AFF3: variants seen among roughly 807,000 people sequenced by gnomAD.
AFF3 encodes the protein ALF transcription elongation factor 3.
AFF3 carries 32 observed loss-of-function variants against 129.7 expected under a neutral mutation model. The ratio of observed to expected loss-of-function variants is 0.25; its 90% confidence interval spans 0.19 to 0.33. AFF3 has a LOEUF of 0.33. Among genes scored for constraint, AFF3 ranks in the 10% least tolerant of loss-of-function variants. The pLI is 1.00. For missense variants in AFF3, 1,373 were observed against 1,592.0 expected, an observed-to-expected ratio of 0.86 and a Z score of 2.34; for synonymous variants, 644 against 635.4, an observed-to-expected ratio of 1.01 and a Z score of -0.20.
intron 8 of AFF3, among the ~76,000 whole-genome samples, chr2:99,770,743 T>TCC (rs1683408455): frequency 6.6e-6 from 1 of 151,788 alleles, no homozygotes; most frequent in African/African-American, 2.4e-5. Flanking sequence ...AGGCAGTGTC[T>TCC]CCTTCTGGCC....
intron 7 of AFF3, among the ~76,000 whole-genome samples, chr2:99,854,809 C>T (rs949076862): frequency 1.1e-4 from 17 of 152,270 alleles, no homozygotes; most frequent in Admixed American, 3.3e-4. Flanking sequence ...TTACCAAAAA[C>T]TTGAAATGAA....
At chr2:99,851,029 A>G (rs1380050949) in intron 7 of AFF3, among the ~76,000 whole-genome samples, 2 of 152,170 alleles carry the variant, frequency 1.3e-5, no homozygotes, top group Non-Finnish European at 2.9e-5. Flanking sequence ...CCATAAAAAC[A>G]TAATGAGAAG....
At chr2:99,613,997 A>G (rs1681181285) in intron 13 of AFF3, among the ~76,000 whole-genome samples, 1 of 152,336 alleles carries the variant, frequency 6.6e-6, no homozygotes, top group Non-Finnish European at 1.5e-5. Context: ...ATAATAGCTT[A>G]GCACATGTGG....
In AFF3 at chr2:99,944,050, C is replaced by T. The variant is rs571565368; in HGVS notation, c.873+62582G>A. On this transcript the variant is annotated intron_variant, in intron 7 of 24. Transcript: ENST00000672756. Reference sequence around the variant, plus strand: ...AAGTAGCTGGGACTATAGGCATGCACCACCATGCCTAGGTAGTGATTTCAT... The same window carrying T: ...AAGTAGCTGGGACTATAGGCATGCATCACCATGCCTAGGTAGTGATTTCAT... Among the ~76,000 whole-genome samples the T allele has an allele frequency of 2.0e-5, 3 of 152,130 alleles. No individual in the cohort carries two copies. The East Asian group carries it at 5.8e-4, about 29-fold the overall frequency.
intron 8 of AFF3, among the ~76,000 whole-genome samples, chr2:99,785,846 C>A (rs1270411286): frequency 6.6e-6 from 1 of 152,168 alleles, no homozygotes; most frequent in African/African-American, 2.4e-5. Flanking sequence ...CTCCCGGGTT[C>A]AAGCGATTCT....
At chr2:99,670,793 T>C (rs1687083471) in intron 12 of AFF3, among the ~76,000 whole-genome samples, 1 of 152,132 alleles carries the variant, frequency 6.6e-6, no homozygotes, top group South Asian at 2.1e-4. Context: ...GATTAATGTA[T>C]AAAAATTATT....
In AFF3 at chr2:100,087,733, C is replaced by T. The variant is rs545368928; in HGVS notation, c.53+16669G>A. 2.4e-3 allele frequency among the ~76,000 whole-genome samples: 359 copies of T among 151,760 alleles called. 1 individual carries two copies. Among genetic ancestry groups the T allele is most frequent in the Non-Finnish European group, 4.4e-3 (302 of 67,930 alleles). On this transcript the variant is annotated intron_variant, in intron 4 of 24. Coordinates refer to ENST00000672756, the MANE Select transcript of AFF3 (RefSeq NM_001386135.1). ...ACTGTTTCTGAAAAAGGAAGTCATTCAACAAAATACTAGCAAAACAAATCC... is the reference window on the plus strand; with the variant it reads ...ACTGTTTCTGAAAAAGGAAGTCATTTAACAAAATACTAGCAAAACAAATCC...
intron 4 of AFF3, among the ~76,000 whole-genome samples, chr2:100,087,430 A>C (rs1240079157): frequency 6.6e-6 from 1 of 152,140 alleles, no homozygotes; most frequent in Non-Finnish European, 1.5e-5. Flanking sequence ...CTAAAATCTA[A>C]ATGTGTCATA....
chr2:99,859,937 A>T (rs1488366178), intron 7 of AFF3, among the ~76,000 whole-genome samples: 1 of 152,112 alleles, frequency 6.6e-6, no homozygotes, highest in East Asian at 1.9e-4. Context: ...GCCCCCCGCA[A>T]AAAAGGATAA....
chr2:99,710,410 C>T (rs1677788086), intron 11 of AFF3, among the ~76,000 whole-genome samples: 1 of 152,152 alleles, frequency 6.6e-6, no homozygotes, highest in South Asian at 2.1e-4. Context: ...GCGTGCGCTA[C>T]CATGCCCGAC....
intron 4 of AFF3, among the ~76,000 whole-genome samples, chr2:100,024,351 G>T (rs1683861779): frequency 6.6e-6 from 1 of 151,804 alleles, no homozygotes; most frequent in South Asian, 2.1e-4. Context: ...AAGGCGGGTG[G>T]ATCACCTGAG....
chr2:99,931,764 C>T (rs777290611), intron 7 of AFF3, among the ~76,000 whole-genome samples: 1 of 152,124 alleles, frequency 6.6e-6, no homozygotes, highest in Non-Finnish European at 1.5e-5. Context: ...CAAAAATTAG[C>T]CAGGCATGGT....
intron 7 of AFF3, among the ~76,000 whole-genome samples, chr2:99,895,142 A>G (rs148416952): frequency 1.6e-3 from 243 of 152,340 alleles, no homozygotes; most frequent in African/African-American, 5.3e-3. Context: ...GTTTTTCTGT[A>G]TATGAGTTGA....
In AFF3 at chr2:100,048,013, T is replaced by C. The variant is rs544548080; in HGVS notation, c.54-39081A>G. ...ACTCTCGATATTTCATGTCAAGCTC[T>C]ACTCCCAACCAAAGACGTTCTGGTG... On this transcript the variant is annotated intron_variant, in intron 4 of 24. Transcript: ENST00000672756. 2.6e-5 allele frequency among the ~76,000 whole-genome samples: 4 copies of C among 152,362 alleles called. No homozygotes were observed. In the South Asian group the frequency reaches 8.3e-4, roughly 32 times the overall value.
intron 7 of AFF3, among the ~76,000 whole-genome samples, chr2:99,998,300 G>T (rs140041346): frequency 6.6e-6 from 1 of 152,216 alleles, no homozygotes; most frequent in African/African-American, 2.4e-5. Context: ...AAGGGTCAGA[G>T]TTGCCCAAAG....
intron 11 of AFF3, among the ~76,000 whole-genome samples, chr2:99,684,467 C>G (rs1384004057): frequency 6.6e-6 from 1 of 152,190 alleles, no homozygotes; most frequent in Admixed American, 6.5e-5. Flanking sequence ...CTAATCCTCT[C>G]TGCCACAAAC....
intron 8 of AFF3, among the ~76,000 whole-genome samples, chr2:99,777,129 A>G (rs570308079): frequency 1.3e-5 from 2 of 152,324 alleles, no homozygotes; most frequent in Non-Finnish European, 2.9e-5. Context: ...GCCCGCTGTG[A>G]GTGGCAGTAG....
intron 9 of AFF3, among the ~76,000 whole-genome samples, chr2:99,746,010 A>C (rs183780845): frequency 6.6e-6 from 1 of 152,260 alleles, no homozygotes; most frequent in South Asian, 2.1e-4. Context: ...AAAAAACTAC[A>C]TACTGGGTAC....
intron 7 of AFF3, among the ~76,000 whole-genome samples, chr2:99,909,972 A>G (rs1695002404): frequency 6.6e-6 from 1 of 152,188 alleles, no homozygotes; most frequent in African/African-American, 2.4e-5. Context: ...ACAATGTGAC[A>G]TTATTTGGAG....
Sources: gnomAD v4.1 joint callset for allele counts (sites outside exome capture counted in the v4.1 genomes callset) on GRCh38, gnomAD v4.1.1 for gene constraint, MANE v1.5 for transcripts, NCBI Gene and HGNC (gene_info 2026-07-23, HGNC 2026-07-21) for gene names.